Variants in N4BP1 observed in about 807,000 individuals in gnomAD.
N4BP1 encodes NEDD4 binding protein 1, also known as NEDD4-binding protein 1.
In N4BP1, 21 loss-of-function variants were observed where a neutral mutation model predicts 70.9. That is an observed-to-expected ratio of 0.30 (90% confidence interval 0.21 to 0.43). The LOEUF (loss-of-function observed/expected upper bound fraction) is 0.43, where lower values mean the gene tolerates loss of function less well. Ranked by LOEUF, N4BP1 falls within the 20% of genes least tolerant of loss-of-function variation. N4BP1 has a pLI of 1.00. For missense variants in N4BP1, 936 were observed against 1,069.4 expected (o/e 0.88, Z 1.74); for synonymous variants, 387 against 394.6 (o/e 0.98, Z 0.23).
At chr16:48,567,911 C>G (rs1463985878) in intron 1 of N4BP1, among the ~76,000 whole-genome samples, 1 of 152,054 alleles carries the variant, frequency 6.6e-6, no homozygotes, top group East Asian at 1.9e-4. Flanking sequence ...GCTATGCTCC[C>G]TCTCATCTCT....
At chr16:48,553,736 A>G in intron 2 of N4BP1, 67 bp from the exon 3 acceptor site, 1 of 1,306,940 alleles carries the variant, frequency 7.7e-7, no homozygotes. Context: ...AAGTTTCACC[A>G]TGAAAAGTTA....
intron 1 of N4BP1, among the ~76,000 whole-genome samples, chr16:48,599,205 C>T (rs894329472): frequency 6.6e-6 from 1 of 152,164 alleles, no homozygotes; most frequent in Non-Finnish European, 1.5e-5. Flanking sequence ...CCCCGCCCCT[C>T]ATCCCCATCT....
intron 1 of N4BP1, chr16:48,578,397 T>C (rs1272275342): frequency 6.6e-6 from 1 of 152,364 alleles, no homozygotes; most frequent in Non-Finnish European, 1.5e-5. Flanking sequence ...AAGAAGCAAC[T>C]ATTAACATTT....
At chr16:48,571,633 A>C (rs1410425027) in intron 1 of N4BP1, among the ~76,000 whole-genome samples, 5 of 152,210 alleles carry the variant, frequency 3.3e-5, no homozygotes, top group African/African-American at 1.2e-4. Context: ...AAAGAAGGGA[A>C]AGGAAGGAAG....
At chr16:48,565,984 T>C (rs1963937829) in intron 1 of N4BP1, among the ~76,000 whole-genome samples, 2 of 152,202 alleles carry the variant, frequency 1.3e-5, no homozygotes, top group African/African-American at 2.4e-5. Context: ...CTGATATTAG[T>C]AGTTTGCAGC....
chr16:48,562,301 G>A lies in N4BP1; in HGVS notation c.342C>T (p.Asp114=), dbSNP rs1471630482. The change falls in exon 2 of 7, where the codon GAC becomes GAT. Residue 114 remains aspartate, a synonymous_variant. Transcript: ENST00000262384. ...QDTCADLCIL[D]IGLLGIRGSA... Reference sequence around the variant, plus strand: ...TTCCTCTGATGCCAAGAAGGCCAATGTCCAGAATGCAGAGGTCAGCACAAG... The same window carrying A: ...TTCCTCTGATGCCAAGAAGGCCAATATCCAGAATGCAGAGGTCAGCACAAG... The A allele has an allele frequency of 6.2e-7, 1 of 1,613,914 alleles. No homozygotes were observed. Among genetic ancestry groups the A allele is most frequent in the South Asian group, 1.1e-5 (1 of 91,090 alleles).
intron 1 of N4BP1, among the ~76,000 whole-genome samples, chr16:48,573,108 CAAAA>C (rs67326386): frequency 6.3e-5 from 7 of 111,184 alleles, no homozygotes; most frequent in Middle Eastern, 4.3e-3. Flanking sequence ...GACCTTGTCT[CAAAA>C]AAAAAAAAAA....
In N4BP1 at chr16:48,549,154, T is replaced by TA. The variant is rs1963630502; in HGVS notation, c.2118-1041dup. On this transcript the variant is annotated intron_variant, in intron 4 of 6. Transcript: ENST00000262384. ...AATAAATTAAGGGACTCACTGGAAT[T>TA]AAAGGTAAAGACAACTGCTTTTACT... Among the ~76,000 whole-genome samples the TA allele has an allele frequency of 6.6e-5, 10 of 152,328 alleles. No individual in the cohort carries two copies. The South Asian group carries it at 2.1e-3, about 32-fold the overall frequency.
chr16:48,593,043 AAATGTTATAC>A (rs1964359479), intron 1 of N4BP1, among the ~76,000 whole-genome samples: 1 of 152,214 alleles, frequency 6.6e-6, no homozygotes, highest in Non-Finnish European at 1.5e-5. Flanking sequence ...TTTATGCAAG[AAATGTTATAC>A]AATTTAAAGA....
At chr16:48,588,288 T>C (rs1023580381) in intron 1 of N4BP1, among the ~76,000 whole-genome samples, 1 of 141,118 alleles carries the variant, frequency 7.1e-6, no homozygotes, top group East Asian at 2.0e-4. Flanking sequence ...TGTCATACTA[T>C]GTTTTCTTTT....
chr16:48,558,293 C>CTA (rs1963786861), intron 2 of N4BP1, among the ~76,000 whole-genome samples: 1 of 98,264 alleles, frequency 1.0e-5, no homozygotes, highest in African/African-American at 3.4e-5. Flanking sequence ...ATCAGTTTTC[C>CTA]AAAAAAAAAA....
chr16:48,587,716 T>A (rs558761905), intron 1 of N4BP1, among the ~76,000 whole-genome samples: 59 of 152,296 alleles, frequency 3.9e-4, no homozygotes, highest in Admixed American at 3.3e-4. Context: ...TGGAATTACA[T>A]AAGAATTTTA....
At chr16:48,577,315 G>GTT (rs144319249) in intron 1 of N4BP1, among the ~76,000 whole-genome samples, 2,062 of 151,256 alleles carry the variant, frequency 0.014, 48 homozygotes, top group African/African-American at 0.048. Context: ...CCCAGTTTTT[G>GTT]TTTTTTTTGT....
chr16:48,568,937 CT>C (rs1287728044), intron 1 of N4BP1, among the ~76,000 whole-genome samples: 1 of 152,240 alleles, frequency 6.6e-6, no homozygotes, highest in Non-Finnish European at 1.5e-5. Context: ...TTTTGCCAAA[CT>C]TGAAATGTCT....
At chr16:48,603,956 C>A (rs1162840264) in intron 1 of N4BP1, among the ~76,000 whole-genome samples, 2 of 152,180 alleles carry the variant, frequency 1.3e-5, no homozygotes, top group African/African-American at 4.8e-5. Flanking sequence ...TGCTCTATTG[C>A]ACTTCAGACC....
intron 1 of N4BP1, among the ~76,000 whole-genome samples, chr16:48,566,578 T>G (rs533983049): frequency 6.6e-6 from 1 of 152,230 alleles, no homozygotes; most frequent in African/African-American, 2.4e-5. Context: ...AAACACTGTA[T>G]GATTTCAATT....
chr16:48,572,131 C>T (rs985946212), intron 1 of N4BP1, among the ~76,000 whole-genome samples: 1 of 152,072 alleles, frequency 6.6e-6, no homozygotes, highest in African/African-American at 2.4e-5. Flanking sequence ...CCCAGGAAGT[C>T]GAGGCTGCAG....
chr16:48,588,452 G>T (rs1964280960), intron 1 of N4BP1, among the ~76,000 whole-genome samples: 3 of 151,990 alleles, frequency 2.0e-5, no homozygotes, highest in Non-Finnish European at 4.4e-5. Flanking sequence ...CCGCCACCAT[G>T]CCTGGCTAAT....
intron 1 of N4BP1, among the ~76,000 whole-genome samples, chr16:48,599,690 C>T (rs376253442): frequency 1.3e-5 from 2 of 152,164 alleles, no homozygotes; most frequent in African/African-American, 2.4e-5. Flanking sequence ...TTTAGGGTAG[C>T]GATGTGCCTA....
Sources: allele counts gnomAD v4.1 joint callset (sites outside exome capture counted in the v4.1 genomes callset), GRCh38; gene constraint gnomAD v4.1.1; transcripts MANE v1.5; gene names NCBI Gene and HGNC (gene_info 2026-07-23, HGNC 2026-07-21).